Variants in ERBB4 observed in about 807,000 individuals in gnomAD.
ERBB4 encodes the protein erb-b2 receptor tyrosine kinase 4.
A neutral mutation model predicts 158.0 loss-of-function variants in ERBB4; 42 were observed. The observed-to-expected ratio is 0.27, with a 90% CI of 0.21 to 0.34. The LOEUF is 0.34. ERBB4 is among the 10% of genes least tolerant of loss of function. The pLI, the probability that ERBB4 is intolerant of heterozygous loss-of-function variation, is 1.00. For synonymous variants in ERBB4, 583 were observed against 558.7 expected (o/e 1.04, Z -0.61); for missense variants, 1,333 against 1,624.1 (o/e 0.82, Z 3.08).
chr2:212,178,500 T>C (rs1212188688), intron 1 of ERBB4, among the ~76,000 whole-genome samples: 2 of 151,782 alleles, frequency 1.3e-5, no homozygotes, highest in Non-Finnish European at 2.9e-5. Flanking sequence ...GTGTCAATCA[T>C]AACCACTAGG....
chr2:211,681,305 G>T (rs1444849452), intron 12 of ERBB4, among the ~76,000 whole-genome samples: 1 of 152,098 alleles, frequency 6.6e-6, no homozygotes, highest in African/African-American at 2.4e-5. Context: ...AATAGTAGTA[G>T]TAGATTACTA....
In ERBB4 at chr2:211,812,380, C is replaced by A. The variant is rs553674039; in HGVS notation, c.422-24221G>T. Among the ~76,000 whole-genome samples the A allele has an allele frequency of 5.3e-5, 8 of 152,300 alleles. No individual in the cohort carries two copies. The South Asian group carries it at 1.7e-3, about 32-fold the overall frequency. The stretch of plus-strand genomic sequence containing the variant: ...CGGAACAGCAAATATTGCAGAACAG[C>A]AAATATTGCTGCCTGATTCTTCCTC... On this transcript the variant is annotated intron_variant, in intron 3 of 27. Transcript: ENST00000342788.
chr2:212,384,895 A>G (rs898078913), intron 1 of ERBB4, among the ~76,000 whole-genome samples: 3 of 101,398 alleles, frequency 3.0e-5, no homozygotes, highest in South Asian at 6.2e-4. Context: ...TGTGGAATAT[A>G]TATATATATA....
At chr2:211,406,720 TTAG>T (rs1331067468) in intron 25 of ERBB4, among the ~76,000 whole-genome samples, 1 of 151,962 alleles carries the variant, frequency 6.6e-6, no homozygotes, top group Non-Finnish European at 1.5e-5. Flanking sequence ...ATAAAAATAG[TTAG>T]TAGTAGATAG....
intron 1 of ERBB4, among the ~76,000 whole-genome samples, chr2:212,209,135 T>A (rs2082854888): frequency 6.6e-6 from 1 of 152,150 alleles, no homozygotes; most frequent in Non-Finnish European, 1.5e-5. Flanking sequence ...AGACTCATAA[T>A]CCTTTCTATG....
intron 1 of ERBB4, among the ~76,000 whole-genome samples, chr2:212,529,565 G>A (rs761329551): frequency 5.9e-5 from 9 of 152,026 alleles, no homozygotes; most frequent in Non-Finnish European, 1.3e-4. Context: ...TGCACTATAT[G>A]GTTTAATTAC....
intron 1 of ERBB4, among the ~76,000 whole-genome samples, chr2:212,281,772 A>G (rs999168595): frequency 3.3e-5 from 5 of 151,742 alleles, no homozygotes; most frequent in Non-Finnish European, 5.9e-5. Flanking sequence ...GCATCTTTCC[A>G]TCTACTTAAA....
rs1211753531 is a variant in ERBB4, at chr2:211,773,626, AT to A, written c.556+14398del. 2.3e-3 allele frequency among the ~76,000 whole-genome samples: 184 copies of A among 78,466 alleles called. 1 individual carries two copies. The highest frequency in any genetic ancestry group is 0.015 in the South Asian group (40 of 2,702). 51.5% of individuals were successfully genotyped at this position (78,466 alleles called of 152,430 possible). A position where few individuals can be genotyped will look rare whatever the true frequency, so the allele number is the denominator to read the frequency against. ...TATATATATATATATATATATATAT[AT>A]ATATATATATATATATATATAATAT... On this transcript the variant is annotated intron_variant, in intron 4 of 27. Transcript: ENST00000342788.
chr2:211,788,858 T>G (rs546503190), intron 3 of ERBB4, among the ~76,000 whole-genome samples: 3 of 152,152 alleles, frequency 2.0e-5, no homozygotes, highest in Non-Finnish European at 4.4e-5. Flanking sequence ...TCGATAAGAT[T>G]GCCAATTATT....
chr2:211,801,578 AAG>A (rs905284768), intron 3 of ERBB4, among the ~76,000 whole-genome samples: 4 of 152,118 alleles, frequency 2.6e-5, no homozygotes. Flanking sequence ...TTGTACACAG[AAG>A]AGTTTTTATT....
intron 2 of ERBB4, among the ~76,000 whole-genome samples, chr2:211,953,128 T>C (rs867003640): frequency 6.6e-6 from 1 of 151,978 alleles, no homozygotes; most frequent in African/African-American, 2.4e-5. Flanking sequence ...TTTTTAGATA[T>C]CGTTTTCCAA....
intron 19 of ERBB4, among the ~76,000 whole-genome samples, chr2:211,612,433 T>C (rs1441255446): frequency 6.6e-6 from 1 of 151,774 alleles, no homozygotes; most frequent in Non-Finnish European, 1.5e-5. Context: ...AATAACTTAT[T>C]AAAATTTCTG....
At chr2:211,878,457 A>T (rs1366642605) in intron 3 of ERBB4, among the ~76,000 whole-genome samples, 1 of 152,200 alleles carries the variant, frequency 6.6e-6, no homozygotes, top group African/African-American at 2.4e-5. Flanking sequence ...GATGAATTTC[A>T]TAAAAATATG....
intron 1 of ERBB4, among the ~76,000 whole-genome samples, chr2:212,207,408 A>C (rs981033416): frequency 6.6e-6 from 1 of 152,198 alleles, no homozygotes; most frequent in Non-Finnish European, 1.5e-5. Flanking sequence ...AAGCAATAGC[A>C]TCTGTTTCTA....
intron 20 of ERBB4, among the ~76,000 whole-genome samples, chr2:211,545,855 A>G (rs1574717834): frequency 6.6e-6 from 1 of 152,054 alleles, no homozygotes; most frequent in Non-Finnish European, 1.5e-5. Context: ...TGGCTAGCTG[A>G]TAGATGACTG....
intron 1 of ERBB4, among the ~76,000 whole-genome samples, chr2:212,536,285 C>T (rs1417429912): frequency 6.6e-6 from 1 of 151,762 alleles, no homozygotes; most frequent in Non-Finnish European, 1.5e-5. Context: ...ACCAGCTGAA[C>T]TTTCCCTGCC....
At chr2:212,324,479 GTTTTTGTT>G (rs2087729739) in intron 1 of ERBB4, among the ~76,000 whole-genome samples, 2 of 83,474 alleles carry the variant, frequency 2.4e-5, no homozygotes, top group Admixed American at 1.2e-4. Context: ...CGGGTTTTTT[GTTTTTGTT>G]TTTTTTTCCT....
At chr2:212,464,041 T>G (rs1688707946) in intron 1 of ERBB4, among the ~76,000 whole-genome samples, 1 of 152,170 alleles carries the variant, frequency 6.6e-6, no homozygotes, top group Admixed American at 6.6e-5. Flanking sequence ...CTGCCACTTC[T>G]GCTTAACTAG....
intron 3 of ERBB4, among the ~76,000 whole-genome samples, chr2:211,914,004 G>T (rs1180218578): frequency 7.9e-6 from 1 of 126,554 alleles, no homozygotes; most frequent in African/African-American, 3.0e-5. Flanking sequence ...TCAAGGACAA[G>T]AAATAGAATT....
Sources: allele counts gnomAD v4.1 joint callset (sites outside exome capture counted in the v4.1 genomes callset), GRCh38; gene constraint gnomAD v4.1.1; transcripts MANE v1.5; gene names NCBI Gene and HGNC (gene_info 2026-07-23, HGNC 2026-07-21).